Variants in PABPN1 observed in about 807,000 individuals in gnomAD.
PABPN1 encodes poly(A) binding protein nuclear 1.
A neutral mutation model predicts 33.4 loss-of-function variants in PABPN1; 5 were observed. The observed-to-expected ratio is 0.15, with a 90% CI of 0.08 to 0.32. PABPN1 has a LOEUF of 0.32. Ranked by LOEUF, PABPN1 falls within the 10% of genes least tolerant of loss-of-function variation. The pLI is 1.00. For missense variants in PABPN1, 312 were observed against 425.8 expected, an observed-to-expected ratio of 0.73 and a Z score of 2.35; for synonymous variants, 176 against 170.6, an observed-to-expected ratio of 1.03 and a Z score of -0.25.
intron 2 of PABPN1, 127 bp downstream of exon 2, chr14:23,322,422 C>T (rs1303828832): frequency 2.1e-5 from 18 of 844,866 alleles, no homozygotes; most frequent in Non-Finnish European, 3.5e-5. Flanking sequence ...ATGACTGTGC[C>T]GCGGTCATAG....
chr14:23,322,151 T>G, intron 1 of PABPN1, 30 bp from the exon 2 acceptor site: 1 of 1,580,840 alleles, frequency 6.3e-7, no homozygotes, highest in South Asian at 1.2e-5. Context: ...CCTCTTAAGC[T>G]GTCCTCCATA....
chr14:23,321,907 G>GA (rs1225599107), intron 1 of PABPN1, 87 bp downstream of exon 1: 210 of 899,054 alleles, frequency 2.3e-4, no homozygotes, highest in Non-Finnish European at 2.7e-4. Context: ...GGTGGCAGGC[G>GA]GGGGGTGGGG....
chr14:23,325,207 A>C, intron 6 of PABPN1, 40 bp from the exon 7 acceptor site: 1 of 1,613,320 alleles, frequency 6.2e-7, no homozygotes, highest in Non-Finnish European at 8.5e-7. Context: ...TGAACTATCT[A>C]GTGATCACGT....
At chr14:23,323,537 A>G (rs551156807) in intron 4 of PABPN1, 54 bp downstream of exon 4, 19 of 1,511,696 alleles carry the variant, frequency 1.3e-5, no homozygotes, top group East Asian at 9.0e-5. Context: ...ACAAATAGAT[A>G]AATTATGTTT....
chr14:23,322,419 T>TGCC, intron 2 of PABPN1, 124 bp downstream of exon 2: 1 of 851,968 alleles, frequency 1.2e-6, no homozygotes, highest in Non-Finnish European at 1.9e-6. Flanking sequence ...ATTATGACTG[T>TGCC]GCCGCGGTCA....
intron 2 of PABPN1, 34 bp downstream of exon 2, chr14:23,322,329 T>G (rs1594988641): frequency 4.1e-5 from 63 of 1,524,498 alleles, no homozygotes; most frequent in Non-Finnish European, 5.0e-5. Flanking sequence ...GGAGCCCGGG[T>G]TCTCGGGTTG....
At chr14:23,323,189 G>C (rs1221391066) in intron 3 of PABPN1, 123 bp downstream of exon 3, 2 of 1,401,532 alleles carry the variant, frequency 1.4e-6, no homozygotes, top group Non-Finnish European at 2.0e-6. Context: ...GTGTGGGAAG[G>C]AGGTTAAAGG....
chr14:23,324,121 G>A lies in PABPN1; in HGVS notation c.730-17G>A. The A allele has an allele frequency of 2.5e-6, 4 of 1,614,140 alleles. No homozygotes were observed. The highest frequency in any genetic ancestry group is 3.4e-6 in the Non-Finnish European group (4 of 1,180,008). The stretch of plus-strand genomic sequence containing the variant: ...CAGGTTGCCTTTAAGGCTATCATTT[G>A]TTCATCTCTGACTCAGGTGATCCCA... On this transcript the variant is annotated splice_polypyrimidine_tract_variant and intron_variant, in intron 5 of 6. Transcript: ENST00000216727.
rs1468553084 is a variant in PABPN1 at position 23,325,234 on chromosome 14, T to C, written c.882-13T>C. The C allele has an allele frequency of 6.2e-7, 1 of 1,613,236 alleles. No homozygotes were observed. The highest frequency in any genetic ancestry group is 1.1e-5 in the South Asian group (1 of 91,044). ...TGATCACGTTAACACCTAACTCTCC[T>C]TCTTTCTTCCAGGGGCCGGGCTAGA... On this transcript the variant is annotated splice_polypyrimidine_tract_variant and intron_variant, in intron 6 of 6. Coordinates refer to ENST00000216727, the MANE Select transcript of PABPN1 (RefSeq NM_004643.4).
chr14:23,323,309 G>A, intron 3 of PABPN1, 68 bp from the exon 4 acceptor site: 1 of 1,530,650 alleles, frequency 6.5e-7, no homozygotes, highest in Non-Finnish European at 9.0e-7. Flanking sequence ...CCAGACCAAA[G>A]GCTCGGGAGG....
At chr14:23,323,175 G>C (rs1888455941) in intron 3 of PABPN1, 109 bp downstream of exon 3, 1 of 1,495,312 alleles carries the variant, frequency 6.7e-7, no homozygotes, top group Middle Eastern at 2.0e-4. Flanking sequence ...TGGGTGTGGA[G>C]GGAGTGTGGG....
intron 6 of PABPN1, chr14:23,324,667 T>A: frequency 2.6e-6 from 1 of 385,904 alleles, no homozygotes; most frequent in Admixed American, 4.0e-5. Context: ...TAGGGAGGGA[T>A]TGAAGACTGA....
At position 23,324,962 on chromosome 14, in the gene PABPN1, C is replaced by T. The variant is rs188920747; in HGVS notation, c.882-285C>T. ...CCTAGGGTTTAAGAGCTGTGGAGGA[C>T]TGAAAACTGGATAAAAAGGGGGTCC... On this transcript the variant is annotated intron_variant, in intron 6 of 6. Transcript: ENST00000216727. 2.2e-5 allele frequency: 9 copies of T among 414,022 alleles called. No homozygotes were observed. The East Asian group carries it at 2.7e-4, about 13-fold the overall frequency. The allele number at this position is 414,022 out of a possible 1,614,324, so 25.6% of individuals were successfully genotyped here. A position where few individuals can be genotyped will look rare whatever the true frequency, so the allele number is the denominator to read the frequency against.
In PABPN1 at chr14:23,323,074, C is replaced by T. The variant is rs1381955736; in HGVS notation, c.534+8C>T. The T allele has an allele frequency of 2.5e-6, 4 of 1,613,918 alleles. No individual in the cohort carries two copies. Among genetic ancestry groups the T allele is most frequent in the African/African-American group, 1.3e-5 (1 of 74,876 alleles). On this transcript the variant is annotated splice_region_variant and intron_variant, in intron 3 of 6. Coordinates refer to ENST00000216727, the MANE Select transcript of PABPN1 (RefSeq NM_004643.4). ...TCCATCTATGTTGGCAATGTACGTA[C>T]TGGGGCTCTGACTGGGGTTGGGGGC...
At position 23,321,505 on chromosome 14, in the gene PABPN1, G is replaced by C; in HGVS notation, c.36G>C (p.Gly12=). 8.1e-7 allele frequency: 1 copy of C among 1,228,850 alleles called. No individual in the cohort carries two copies. Among genetic ancestry groups the C allele is most frequent in the Non-Finnish European group, 1.0e-6 (1 of 984,518 alleles). The allele number at this position is 1,228,850 out of a possible 1,614,324, so 76.1% of individuals were successfully genotyped here. A position where few individuals can be genotyped will look rare whatever the true frequency, so the allele number is the denominator to read the frequency against. The part of the protein sequence containing the change: ...AAAAAAAAAA[G]AAGGRGSGPG... ...CGGCGGCGGCGGCAGCAGCAGCGGG[G>C]GCTGCGGGCGGTCGGGGCTCCGGGC... The change falls in exon 1 of 7, where the codon GGG becomes GGC. Residue 12 remains glycine, a synonymous_variant. Transcript: ENST00000216727.
rs193922941 is a variant in PABPN1, at chr14:23,321,471, T to TGGC, written c.21_23dup (p.Ala11dup). 1.8e-3 allele frequency: 2,134 copies of TGGC among 1,155,712 alleles called. 3 individuals carry two copies. The highest frequency in any genetic ancestry group is 2.5e-3 in the Admixed American group (53 of 20,966). The allele number at this position is 1,155,712 out of a possible 1,614,324, so 71.6% of individuals were successfully genotyped here. ...CGGCGGGCCCCAGTCTGAGCGGCGA[T>TGGC]GGCGGCGGCGGCGGCGGCGGCAGCA... On this transcript the variant is annotated inframe_insertion, in exon 1 of 7. Transcript: ENST00000216727.
intron 6 of PABPN1, 66 bp from the exon 7 acceptor site, chr14:23,325,181 G>C: frequency 6.2e-7 from 1 of 1,607,434 alleles, no homozygotes; most frequent in Non-Finnish European, 8.5e-7. Context: ...AGGGGCCTAC[G>C]GGGAGGGGCT....
chr14:23,322,537 T>C, intron 2 of PABPN1: 1 of 547,084 alleles, frequency 1.8e-6, no homozygotes, highest in Non-Finnish European at 3.3e-6. Context: ...CTCTTTGTTC[T>C]TAGTCTACGT....
intron 6 of PABPN1, 94 bp from the exon 7 acceptor site, chr14:23,325,153 C>T: frequency 6.4e-7 from 1 of 1,561,322 alleles, no homozygotes; most frequent in Non-Finnish European, 8.8e-7. Context: ...CCCCCCTTCC[C>T]TTCACAGTAA....
Sources: gnomAD v4.1 joint callset for allele counts on GRCh38, gnomAD v4.1.1 for gene constraint, MANE v1.5 for transcripts, NCBI Gene and HGNC (gene_info 2026-07-23, HGNC 2026-07-21) for gene names.